Variants in CHD9 observed in about 807,000 individuals in gnomAD.
CHD9 encodes chromodomain helicase DNA binding protein 9, also known as ATP-dependent chromatin remodeler CHD9.
A neutral mutation model predicts 316.1 loss-of-function variants in CHD9; 77 were observed. The ratio of observed to expected loss-of-function variants is 0.24; its 90% confidence interval spans 0.20 to 0.29. CHD9 has a LOEUF of 0.29. Ranked by LOEUF, CHD9 falls within the 10% of genes least tolerant of loss-of-function variation. The pLI, the probability that CHD9 is intolerant of heterozygous loss-of-function variation, is 1.00. For missense variants in CHD9, 2,763 were observed against 3,438.1 expected (o/e 0.80, Z 4.91); for synonymous variants, 1,129 against 1,158.3 (o/e 0.97, Z 0.51).
Position 53,314,476 on chromosome 16 carries a change from TTGAC to T in CHD9, c.7323_7326del (p.Asp2442SerfsTer15). 2 of 1,581,812 alleles carry T rather than the reference TTGAC, an allele frequency of 1.3e-6. No individual in the cohort carries two copies. The highest frequency in any genetic ancestry group is 1.7e-6 in the Non-Finnish European group (2 of 1,162,550). ...GGAAGGAGGAAGAATGTAGAAGGTGTTGACATCTTCTTTTTTAACAGAAATAAAC... is the reference window on the plus strand; with the variant it reads ...GGAAGGAGGAAGAATGTAGAAGGTGTATCTTCTTTTTTAACAGAAATAAAC... On this transcript the variant is annotated frameshift_variant, in exon 35 of 39. Transcript: ENST00000447540. LOFTEE classifies it high-confidence loss of function.
At chr16:53,232,231 A>G (rs1046139105) in intron 10 of CHD9, among the ~76,000 whole-genome samples, 1 of 152,182 alleles carries the variant, frequency 6.6e-6, no homozygotes, top group Non-Finnish European at 1.5e-5. Context: ...CAGAAGCGTC[A>G]CCTAATTCAG....
rs1470756500 is a variant in CHD9, at chr16:53,071,837, C to T, written c.-165+16760C>T. Among the ~76,000 whole-genome samples the T allele has an allele frequency of 2.0e-5, 3 of 152,166 alleles. No individual in the cohort carries two copies. In the East Asian group the frequency reaches 5.8e-4, roughly 29 times the overall value. On this transcript the variant is annotated intron_variant, in intron 1 of 38. Coordinates refer to ENST00000447540, the MANE Select transcript of CHD9 (RefSeq NM_001308319.2). ...TGAGGGAACACAGTGTGATGGCCAG[C>T]CCTACTCAGGCATTTCCCCATACCC...
At chr16:53,321,458 A>G in intron 37 of CHD9, 68 bp from the exon 38 acceptor site, 2 of 1,450,004 alleles carry the variant, frequency 1.4e-6, no homozygotes, top group Admixed American at 2.4e-5. Context: ...TGTAGAGCAT[A>G]CAATAAAAGC....
intron 1 of CHD9, among the ~76,000 whole-genome samples, chr16:53,080,821 C>G (rs565118565): frequency 1.3e-5 from 2 of 152,302 alleles, no homozygotes; most frequent in South Asian, 2.1e-4. Context: ...CCACCCTGCC[C>G]CAGACATTCA....
chr16:53,191,923 T>C (rs1362705192), intron 2 of CHD9, among the ~76,000 whole-genome samples: 1 of 152,122 alleles, frequency 6.6e-6, no homozygotes, highest in Non-Finnish European at 1.5e-5. Flanking sequence ...CTTTAGTTCT[T>C]GGTATTGTCA....
rs1228566077 is a variant in CHD9, at chr16:53,247,353, T to G, written c.3515T>G (p.Phe1172Cys). Reference sequence around the variant, plus strand: ...ACTTACAATCCAGCTGCTTCTGATTTTCATCTTCAAGCAATGATCCAGTCT... The same window carrying G: ...ACTTACAATCCAGCTGCTTCTGATTGTCATCTTCAAGCAATGATCCAGTCT... Reference protein sequence around the residue: ...RDTYNPAASDFHLQAMIQSAG... With the variant: ...RDTYNPAASDCHLQAMIQSAG... Residue 1172 changes from phenylalanine (F) to cysteine (C), a missense_variant, in exon 16 of 39, where the codon TTT becomes TGT. Physicochemically the swap from Phe to Cys is radical, Grantham distance 205. Transcript: ENST00000447540. 1 of 1,607,470 alleles carries G rather than the reference T, an allele frequency of 6.2e-7. No individual in the cohort carries two copies. The highest frequency in any genetic ancestry group is 1.3e-5 in the African/African-American group (1 of 74,890).
intron 1 of CHD9, among the ~76,000 whole-genome samples, chr16:53,081,965 A>G (rs2035055558): frequency 6.6e-6 from 1 of 152,144 alleles, no homozygotes; most frequent in Non-Finnish European, 1.5e-5. Flanking sequence ...TACTCTGCCT[A>G]CCTCACCAGG....
intron 1 of CHD9, among the ~76,000 whole-genome samples, chr16:53,110,258 A>G (rs1157319396): frequency 6.6e-6 from 1 of 152,142 alleles, no homozygotes; most frequent in East Asian, 1.9e-4. Context: ...TAGAGAAGAC[A>G]ATCCAGTTTC....
chr16:53,144,734 C>A (rs948419376), intron 1 of CHD9, among the ~76,000 whole-genome samples: 1 of 152,068 alleles, frequency 6.6e-6, no homozygotes, highest in South Asian at 2.1e-4. Flanking sequence ...TTATGTAGGC[C>A]AGGCTGGTCT....
intron 2 of CHD9, among the ~76,000 whole-genome samples, chr16:53,165,468 C>T (rs2042210756): frequency 6.6e-6 from 1 of 151,932 alleles, no homozygotes; most frequent in South Asian, 2.1e-4. Flanking sequence ...TTTTCATTTC[C>T]CCCACCCCAG....
intron 1 of CHD9, among the ~76,000 whole-genome samples, chr16:53,145,984 A>T (rs560891952): frequency 6.6e-6 from 1 of 152,122 alleles, no homozygotes; most frequent in Non-Finnish European, 1.5e-5. Flanking sequence ...CAAATCCTGT[A>T]TGATTGTACT....
chr16:53,163,332 TC>T (rs1030759532), intron 2 of CHD9, among the ~76,000 whole-genome samples: 7 of 152,170 alleles, frequency 4.6e-5, no homozygotes, highest in Non-Finnish European at 1.0e-4. Context: ...TGCCTCAGCC[TC>T]CCAAATAGCT....
chr16:53,146,754 G>A (rs112229436), intron 1 of CHD9, among the ~76,000 whole-genome samples: 4,968 of 149,790 alleles, frequency 0.033, 288 homozygotes, highest in African/African-American at 0.12. Flanking sequence ...AACCGAGATC[G>A]TACCACTGCA....
intron 2 of CHD9, among the ~76,000 whole-genome samples, chr16:53,176,899 C>T (rs1482286419): frequency 3.3e-5 from 5 of 152,176 alleles, no homozygotes; most frequent in African/African-American, 1.2e-4. Flanking sequence ...TATGTGATCA[C>T]ATTTTATCCT....
chr16:53,324,797 A>G lies in CHD9; in HGVS notation c.8596A>G (p.Asn2866Asp). The part of the protein sequence containing the change: ...GGTEPSPLNE[N>D]STDEGSEKAD... ...AACTGAACCAAGTCCTCTCAATGAA[A>G]ACAGCACAGATGAGGGTTCAGAGAA... The change falls in exon 39 of 39, where the codon AAC (asparagine) becomes GAC (aspartate). Residue 2866 changes from asparagine to aspartate, a missense_variant. This residue lies in a region of CHD9 where 298 missense variants were observed against 380.2 expected (regional missense o/e 0.78). Coordinates refer to ENST00000447540, the MANE Select transcript of CHD9 (RefSeq NM_001308319.2). 1 of 1,613,158 alleles carries G rather than the reference A, an allele frequency of 6.2e-7. No homozygotes were observed. Among genetic ancestry groups the G allele is most frequent in the Non-Finnish European group, 8.5e-7 (1 of 1,179,552 alleles).
intron 1 of CHD9, among the ~76,000 whole-genome samples, chr16:53,131,609 G>C (rs1401077495): frequency 6.6e-6 from 1 of 151,574 alleles, no homozygotes; most frequent in Non-Finnish European, 1.5e-5. Context: ...CGGGCGGCCA[G>C]GGCGTGGGAA....
chr16:53,157,146 A>G lies in CHD9; in HGVS notation c.1057A>G (p.Lys353Glu), dbSNP rs2041575274. ...SHPQGNYSNSKLSPVHMNFPD... is the reference protein window; with the variant it reads ...SHPQGNYSNSELSPVHMNFPD... ...TCCTCAGGGTAATTATAGCAATTCA[A>G]AATTATCTCCTGTGCACATGAACTT... The change falls in exon 2 of 39, where the codon AAA (lysine) becomes GAA (glutamate). Residue 353 changes from lysine (K) to glutamate (E), a missense_variant. Coordinates refer to ENST00000447540, the MANE Select transcript of CHD9 (RefSeq NM_001308319.2). 6.8e-6 allele frequency: 11 copies of G among 1,609,948 alleles called. No homozygotes were observed. Among genetic ancestry groups the G allele is most frequent in the Non-Finnish European group, 9.3e-6 (11 of 1,177,764 alleles).
chr16:53,092,831 T>A (rs2036064843), intron 1 of CHD9, among the ~76,000 whole-genome samples: 1 of 152,084 alleles, frequency 6.6e-6, no homozygotes, highest in Non-Finnish European at 1.5e-5. Flanking sequence ...CAGGCTGGAG[T>A]GCAGTGGTGT....
At chr16:53,152,267 G>A (rs1475537954) in intron 1 of CHD9, among the ~76,000 whole-genome samples, 2 of 152,180 alleles carry the variant, frequency 1.3e-5, no homozygotes, top group East Asian at 1.9e-4. Context: ...TTCCTTGAAT[G>A]CTGGGAGTAT....
Sources: gnomAD v4.1 joint callset for allele counts (sites outside exome capture counted in the v4.1 genomes callset) on GRCh38, gnomAD v4.1.1 for gene constraint, gnomAD v4.1.1 regional missense constraint, MANE v1.5 for transcripts, NCBI Gene and HGNC (gene_info 2026-07-23, HGNC 2026-07-21) for gene names.